The following EIF4ENIF1 variants were observed in gnomAD, a reference collection of about 807,000 sequenced individuals.
EIF4ENIF1 encodes the protein eukaryotic translation initiation factor 4E transporter.
In EIF4ENIF1, 23 loss-of-function variants were observed where a neutral mutation model predicts 110.5. The ratio of observed to expected loss-of-function variants is 0.21; its 90% CI spans 0.15 to 0.29. The LOEUF is 0.29. Ranked by LOEUF, EIF4ENIF1 falls within the 10% of genes least tolerant of loss-of-function variation. The probability of loss-of-function intolerance (pLI) is 1.00; values close to 1 mark genes in which losing one functional copy is unlikely to be tolerated. For synonymous variants in EIF4ENIF1, 440 were observed against 437.0 expected (o/e 1.01, Z -0.09); for missense variants, 1,031 against 1,221.1 (o/e 0.84, Z 2.32).
chr22:31,477,700 C>A (rs182890952), intron 2 of EIF4ENIF1, among the ~76,000 whole-genome samples: 3 of 152,156 alleles, frequency 2.0e-5, no homozygotes, highest in Admixed American at 2.0e-4. Flanking sequence ...TGTGCCAGGG[C>A]GCACTTTTGA....
At chr22:31,466,978 G>A (rs2051210305) in intron 4 of EIF4ENIF1, among the ~76,000 whole-genome samples, 1 of 152,120 alleles carries the variant, frequency 6.6e-6, no homozygotes, top group African/African-American at 2.4e-5. Flanking sequence ...TGTGCAGTCT[G>A]TTTTTTCCAA....
Position 31,448,692 on chromosome 22 carries a change from T to C in EIF4ENIF1, c.1769-460A>G, listed in dbSNP as rs555777569. On this transcript the variant is annotated intron_variant, in intron 12 of 18. Coordinates refer to ENST00000330125, the MANE Select transcript of EIF4ENIF1 (RefSeq NM_019843.4). Reference sequence around the variant, plus strand: ...TAGGATAGCAGGAACACTACGACATTCCATGTAAATACTTTGCTAAGACAC... The same window carrying C: ...TAGGATAGCAGGAACACTACGACATCCCATGTAAATACTTTGCTAAGACAC... Among the ~76,000 whole-genome samples, 6 of 152,278 alleles carry C rather than the reference T, an allele frequency of 3.9e-5. No homozygotes were observed. In the South Asian group the frequency reaches 8.3e-4, roughly 21 times the overall value.
At position 31,475,621 on chromosome 22, in the gene EIF4ENIF1, G is replaced by A. The variant is rs529497161; in HGVS notation, c.97-3704C>T. Among the ~76,000 whole-genome samples, 17 of 151,726 alleles carry A rather than the reference G, an allele frequency of 1.1e-4. No homozygotes were observed. The South Asian group carries it at 1.5e-3, about 13-fold the overall frequency. ...ATAAAACTTAGCCAGGTGTGGTAGC[G>A]GACGCCTGTAATCCCAGCTACCTGT... On this transcript the variant is annotated intron_variant, in intron 2 of 18. Transcript: ENST00000330125.
At chr22:31,448,096 T>C (rs1601568779) in intron 13 of EIF4ENIF1, 57 bp downstream of exon 13, 2 of 1,579,676 alleles carry the variant, frequency 1.3e-6, no homozygotes, top group Non-Finnish European at 1.7e-6. Context: ...CCACTCCCCA[T>C]GCACCAAGAG....
At position 31,458,552 on chromosome 22, in the gene EIF4ENIF1, C is replaced by G. The variant is rs753406852; in HGVS notation, c.886G>C (p.Val296Leu). 1 of 1,613,966 alleles carries G rather than the reference C, an allele frequency of 6.2e-7. No individual in the cohort carries two copies. The highest frequency in any genetic ancestry group is 1.6e-4 in the Middle Eastern group (1 of 6,062). The change falls in exon 7 of 19, where the codon GTC (valine) becomes CTC (leucine). Residue 296 changes from valine to leucine, a missense_variant. Around this residue, in one of 3 missense-constraint regions of EIF4ENIF1, gnomAD observed 704 missense variants for 879.7 expected, o/e 0.80. Coordinates refer to ENST00000330125, the MANE Select transcript of EIF4ENIF1 (RefSeq NM_019843.4). ...AADQEVPRDA[V>L]LPEQSPGDFD... ...TCTCCTGGGGACTGCTCAGGCAAGACAGCATCCCTTGGCACTTCCTGATCA... is the reference window on the plus strand; with the variant it reads ...TCTCCTGGGGACTGCTCAGGCAAGAGAGCATCCCTTGGCACTTCCTGATCA...
intron 12 of EIF4ENIF1, 87 bp downstream of exon 12, chr22:31,449,261 C>T (rs555916107): frequency 8.4e-5 from 119 of 1,412,682 alleles, no homozygotes; most frequent in Non-Finnish European, 1.1e-4. Flanking sequence ...CTGCCCACCT[C>T]GGCCTCCCAG....
intron 17 of EIF4ENIF1, among the ~76,000 whole-genome samples, chr22:31,441,114 G>T (rs1460733925): frequency 1.3e-5 from 2 of 152,194 alleles, no homozygotes; most frequent in African/African-American, 4.8e-5. Flanking sequence ...AATTAGCCAG[G>T]TGTAGTGGCA....
At chr22:31,447,032 T>C (rs1428497982) in intron 14 of EIF4ENIF1, 1 of 462,858 alleles carries the variant, frequency 2.2e-6, no homozygotes, top group Admixed American at 2.5e-5. Flanking sequence ...AATAAGGAGC[T>C]ATGCTAGTTT....
At chr22:31,450,221 C>G (rs1042987370) in intron 11 of EIF4ENIF1, 68 bp downstream of exon 11, 16 of 1,344,046 alleles carry the variant, frequency 1.2e-5, no homozygotes, top group Non-Finnish European at 1.2e-5. Context: ...AGTTGGACCA[C>G]TAAGCAAAAC....
At chr22:31,486,278 A>AT (rs1569110346) in intron 2 of EIF4ENIF1, among the ~76,000 whole-genome samples, 6 of 19,172 alleles carry the variant, frequency 3.1e-4, no homozygotes, top group Admixed American at 1.3e-3. Context: ...CTCAAAAAAA[A>AT]AAAAATAAAA....
In EIF4ENIF1 at chr22:31,443,165, T is replaced by C. The variant is rs16989617; in HGVS notation, c.2074-71A>G. 0.045 allele frequency: 71,461 copies of C among 1,573,608 alleles called. 1,724 individuals are homozygous for C. Among genetic ancestry groups the C allele is most frequent in the Non-Finnish European group, 0.051 (59,027 of 1,163,998 alleles). On this transcript the variant is annotated intron_variant, in intron 15 of 18. Coordinates refer to ENST00000330125, the MANE Select transcript of EIF4ENIF1 (RefSeq NM_019843.4). ...TCTCTAATACTAAGCCAGGATTAACTTGTCAAGATACTCAACAAAGAGTCC... is the reference window on the plus strand; with the variant it reads ...TCTCTAATACTAAGCCAGGATTAACCTGTCAAGATACTCAACAAAGAGTCC...
At chr22:31,473,531 T>C (rs923043848) in intron 2 of EIF4ENIF1, among the ~76,000 whole-genome samples, 2 of 152,236 alleles carry the variant, frequency 1.3e-5, no homozygotes, top group Non-Finnish European at 2.9e-5. Context: ...AGAACATTTC[T>C]ACAACTTTTG....
At chr22:31,447,863 C>A (rs761918616) in intron 13 of EIF4ENIF1, among the ~76,000 whole-genome samples, 19 of 152,206 alleles carry the variant, frequency 1.2e-4, no homozygotes, top group Non-Finnish European at 2.2e-4. Flanking sequence ...ACCATCATAG[C>A]TCACGGCAGT....
At chr22:31,466,835 T>A (rs2051206749) in intron 4 of EIF4ENIF1, among the ~76,000 whole-genome samples, 1 of 152,156 alleles carries the variant, frequency 6.6e-6, no homozygotes, top group African/African-American at 2.4e-5. Context: ...AGAACAAACA[T>A]GTCACCATAC....
At chr22:31,470,291 T>C (rs990386084) in intron 3 of EIF4ENIF1, among the ~76,000 whole-genome samples, 1 of 147,908 alleles carries the variant, frequency 6.8e-6, no homozygotes, top group Non-Finnish European at 1.5e-5. Flanking sequence ...TGTTGTTTTG[T>C]TTTTTTTGAG....
intron 12 of EIF4ENIF1, among the ~76,000 whole-genome samples, chr22:31,449,098 C>A (rs1354225663): frequency 1.3e-5 from 2 of 152,124 alleles, no homozygotes; most frequent in African/African-American, 4.8e-5. Flanking sequence ...GCAACCTCCG[C>A]CTCTCAGATT....
In EIF4ENIF1 at chr22:31,447,412, G is replaced by T. The variant is rs758632753; in HGVS notation, c.1988+14C>A. ...TATCCGTAAATCTCCACATGAGCAG[G>T]ATTAGTAATTTACCTGTTTCTGAAT... On this transcript the variant is annotated intron_variant, in intron 14 of 18. Transcript: ENST00000330125. 3.1e-6 allele frequency: 5 copies of T among 1,608,486 alleles called. No homozygotes were observed. The Admixed American group carries it at 5.1e-5, about 16-fold the overall frequency.
At chr22:31,442,766 C>G (rs2050342857) in intron 16 of EIF4ENIF1, among the ~76,000 whole-genome samples, 196 bp downstream of exon 16, 1 of 152,212 alleles carries the variant, frequency 6.6e-6, no homozygotes, top group African/African-American at 2.4e-5. Context: ...AAATTTCAAG[C>G]AACCAAGCAA....
intron 7 of EIF4ENIF1, among the ~76,000 whole-genome samples, chr22:31,457,612 G>A (rs1363717970): frequency 3.9e-5 from 6 of 152,234 alleles, no homozygotes; most frequent in African/African-American, 1.4e-4. Context: ...AGTTAAGCAG[G>A]GGAAGCTTAG....
Sources: allele counts gnomAD v4.1 joint callset (sites outside exome capture counted in the v4.1 genomes callset), GRCh38; gene constraint gnomAD v4.1.1; regional missense constraint gnomAD v4.1.1; transcripts MANE v1.5; gene names NCBI Gene and HGNC (gene_info 2026-07-23, HGNC 2026-07-21).